CAND2: variants seen among roughly 807,000 people sequenced by gnomAD.
CAND2 encodes cullin-associated NEDD8-dissociated protein 2.
Under a neutral mutation model 98.9 loss-of-function variants are expected in CAND2, and 62 were observed. The observed-to-expected ratio is 0.63, with a 90% CI of 0.51 to 0.77. The LOEUF (loss-of-function observed/expected upper bound fraction) is 0.77, where lower values mean the gene tolerates loss of function less well. CAND2 is among the 30% of genes least tolerant of loss of function. CAND2 has a pLI of 0.00. For missense variants in CAND2, 1,501 were observed against 1,655.2 expected (o/e 0.91, Z 1.62); for synonymous variants, 770 against 731.9 (o/e 1.05, Z -0.84).
At position 12,796,888 on chromosome 3, in the gene CAND2, C is replaced by T; in HGVS notation, c.68+100C>T. ...AGCCCATCCCCCATGACCATGCAGCCCCCTGCCTCTTCTCTCTTCTCCCTG... is the reference window on the plus strand; with the variant it reads ...AGCCCATCCCCCATGACCATGCAGCTCCCTGCCTCTTCTCTCTTCTCCCTG... On this transcript the variant is annotated intron_variant, in intron 1 of 14. Coordinates refer to ENST00000456430, the MANE Select transcript of CAND2 (RefSeq NM_001162499.2). 3 of 920,960 alleles carry T rather than the reference C, an allele frequency of 3.3e-6. No homozygotes were observed. The East Asian group carries it at 7.9e-5, about 24-fold the overall frequency. 57.0% of individuals were successfully genotyped at this position (920,960 alleles called of 1,614,324 possible).
In CAND2 at chr3:12,810,421, A is replaced by G. The variant is rs3821607; in HGVS notation, c.757+97A>G. On this transcript the variant is annotated intron_variant, in intron 5 of 14. Transcript: ENST00000456430. Reference sequence around the variant, plus strand: ...AGGGGCGGAGCTTGGGCCGCAGTGCAGCCAGGGCCTAAGGGTGGGCCGTCT... The same window carrying G: ...AGGGGCGGAGCTTGGGCCGCAGTGCGGCCAGGGCCTAAGGGTGGGCCGTCT... The G allele has an allele frequency of 1.3e-3, 1,502 of 1,131,026 alleles. 28 individuals carry two copies. In the East Asian group the frequency reaches 0.051, roughly 38 times the overall value. The allele number at this position is 1,131,026 out of a possible 1,614,324, so 70.1% of individuals were successfully genotyped here.
At chr3:12,822,435 G>C (rs1288071612) in intron 11 of CAND2, among the ~76,000 whole-genome samples, 1 of 151,786 alleles carries the variant, frequency 6.6e-6, no homozygotes, top group Non-Finnish European at 1.5e-5. Flanking sequence ...TGGGATTACA[G>C]ATGTGCGCCA....
chr3:12,804,083 C>T (rs960569693), intron 2 of CAND2, among the ~76,000 whole-genome samples: 8 of 152,084 alleles, frequency 5.3e-5, no homozygotes. Flanking sequence ...TTGTCCACTG[C>T]CTGCCACCTC....
chr3:12,808,114 G>C (rs2061821446), intron 3 of CAND2, 96 bp from the exon 4 acceptor site: 2 of 1,463,216 alleles, frequency 1.4e-6, no homozygotes, highest in East Asian at 5.0e-5. Flanking sequence ...GGGGATGTGG[G>C]CTCAGGAACA....
chr3:12,800,895 G>A (rs569709168), intron 1 of CAND2, among the ~76,000 whole-genome samples: 5 of 151,852 alleles, frequency 3.3e-5, no homozygotes, highest in East Asian at 1.9e-4. Context: ...GCTAATTTTC[G>A]TATTTTTAGT....
At position 12,813,010 on chromosome 3, in the gene CAND2, G is replaced by T; in HGVS notation, c.778G>T (p.Val260Leu). 6.3e-7 allele frequency: 1 copy of T among 1,577,084 alleles called. No individual in the cohort carries two copies. Among genetic ancestry groups the T allele is most frequent in the Non-Finnish European group, 8.6e-7 (1 of 1,162,312 alleles). Residue 260 changes from valine to leucine, a missense_variant, in exon 6 of 15, where the codon GTG becomes TTG. By Grantham distance (32) the Val-to-Leu change is conservative. Around this residue, in one of 3 missense-constraint regions of CAND2, gnomAD observed 1,427 missense variants for 1,545.3 expected, o/e 0.92. Coordinates refer to ENST00000456430, the MANE Select transcript of CAND2 (RefSeq NM_001162499.2). Reference protein sequence around the residue: ...HRLGAHLDRLVPLVEDFCNLD... With the variant: ...HRLGAHLDRLLPLVEDFCNLD... ...TGCAGGGGCTCACCTGGACCGCCTG[G>T]TGCCCCTGGTGGAGGATTTCTGCAA... is the stretch of plus-strand genomic sequence containing the variant.
At chr3:12,799,047 G>A (rs1294545997) in intron 1 of CAND2, among the ~76,000 whole-genome samples, 1 of 152,186 alleles carries the variant, frequency 6.6e-6, no homozygotes, top group Non-Finnish European at 1.5e-5. Context: ...GTCAAAACGA[G>A]TACCCTTGCA....
chr3:12,808,334 G>C lies in CAND2; in HGVS notation c.491+1G>C. On this transcript the variant is annotated splice_donor_variant, in intron 4 of 14. Transcript: ENST00000456430. LOFTEE classifies it high-confidence loss of function. ...ACATCCTCTCTGACATGCTGAGCAG[G>C]TGTGGGAGGCCATCCTGGGTATTGA... 1 of 1,551,386 alleles carries C rather than the reference G, an allele frequency of 6.4e-7. No individual in the cohort carries two copies. Among genetic ancestry groups the C allele is most frequent in the Non-Finnish European group, 8.7e-7 (1 of 1,146,842 alleles).
chr3:12,798,019 G>A (rs1423704717), intron 1 of CAND2, among the ~76,000 whole-genome samples: 2 of 152,128 alleles, frequency 1.3e-5, no homozygotes, highest in Non-Finnish European at 2.9e-5. Context: ...CTGGCCGTGT[G>A]ACCATGGACA....
rs1207222030 is a variant in CAND2 at position 12,808,266 on chromosome 3, A to G, written c.424A>G (p.Ile142Val). 4 of 1,551,484 alleles carry G rather than the reference A, an allele frequency of 2.6e-6. No individual in the cohort carries two copies. Among genetic ancestry groups the G allele is most frequent in the Non-Finnish European group, 3.5e-6 (4 of 1,146,972 alleles). Residue 142 changes from isoleucine (I) to valine (V), a missense_variant, in exon 4 of 15, where the codon ATT (isoleucine) becomes GTT (valine). Transcript: ENST00000456430. The part of the protein sequence containing the change: ...RKITGQLTSA[I>V]AQQEDVAVQL... ...GATCACAGGCCAGCTCACCAGTGCC[A>G]TTGCCCAGCAGGAGGATGTGGCTGT... is the stretch of plus-strand genomic sequence containing the variant.
chr3:12,797,344 G>C (rs115905641), intron 1 of CAND2, among the ~76,000 whole-genome samples: 1 of 151,328 alleles, frequency 6.6e-6, no homozygotes. Flanking sequence ...AACATCACCC[G>C]GACCCCTCCC....
intron 2 of CAND2, among the ~76,000 whole-genome samples, chr3:12,806,332 C>T (rs190784356): frequency 6.6e-6 from 1 of 152,224 alleles, no homozygotes; most frequent in Non-Finnish European, 1.5e-5. Flanking sequence ...AAAAAGAAAA[C>T]CATTGTGCAT....
intron 11 of CAND2, among the ~76,000 whole-genome samples, chr3:12,824,441 G>A (rs1187119056): frequency 6.6e-6 from 1 of 152,200 alleles, no homozygotes; most frequent in Non-Finnish European, 1.5e-5. Flanking sequence ...GGGAGACAGA[G>A]AGACGAGAGG....
chr3:12,803,748 G>C, intron 2 of CAND2, 117 bp downstream of exon 2: 2 of 845,474 alleles, frequency 2.4e-6, no homozygotes, highest in African/African-American at 1.7e-5. Context: ...AGCAGCTCTC[G>C]TTGAATGGTA....
chr3:12,818,394 G>A (rs764716845), intron 10 of CAND2, among the ~76,000 whole-genome samples: 17 of 152,188 alleles, frequency 1.1e-4, no homozygotes, highest in Non-Finnish European at 2.4e-4. Flanking sequence ...GCCTGCAGAG[G>A]GTCAGCTCTT....
intron 12 of CAND2, among the ~76,000 whole-genome samples, chr3:12,826,925 G>A (rs900639536): frequency 2.0e-5 from 3 of 149,818 alleles, no homozygotes; most frequent in Non-Finnish European, 4.4e-5. Context: ...CCACCTCCCT[G>A]GTTCAAGCAA....
chr3:12,816,383 T>G lies in CAND2; in HGVS notation c.1451T>G (p.Phe484Cys). 6.2e-7 allele frequency: 1 copy of G among 1,610,746 alleles called. No individual in the cohort carries two copies. The highest frequency in any genetic ancestry group is 8.5e-7 in the Non-Finnish European group (1 of 1,178,488). Reference sequence around the variant, plus strand: ...TGCATTCACCCTGCAGGCATCATCTTCTCGCTGGCCGACCGCTCCAGCTCC... The same window carrying G: ...TGCATTCACCCTGCAGGCATCATCTGCTCGCTGGCCGACCGCTCCAGCTCC... ...HMPVLVSGII[F>C]SLADRSSSST... Residue 484 changes from phenylalanine (F) to cysteine (C), a missense_variant, in exon 10 of 15, where the codon TTC becomes TGC. Transcript: ENST00000456430.
At chr3:12,800,357 A>G (rs998796574) in intron 1 of CAND2, among the ~76,000 whole-genome samples, 1 of 152,184 alleles carries the variant, frequency 6.6e-6, no homozygotes, top group Non-Finnish European at 1.5e-5. Context: ...CAGAATCCCA[A>G]CTGTGATAGA....
At chr3:12,833,274 T>C (rs2062070063) in intron 14 of CAND2, among the ~76,000 whole-genome samples, 1 of 152,156 alleles carries the variant, frequency 6.6e-6, no homozygotes, top group Non-Finnish European at 1.5e-5. Context: ...GTGCTTACAC[T>C]CCGGCTGCAT....
Sources: gnomAD v4.1 joint callset for allele counts (sites outside exome capture counted in the v4.1 genomes callset) on GRCh38, gnomAD v4.1.1 for gene constraint, gnomAD v4.1.1 regional missense constraint, MANE v1.5 for transcripts, NCBI Gene and HGNC (gene_info 2026-07-23, HGNC 2026-07-21) for gene names.